ABCG1: variants seen among roughly 807,000 people sequenced by gnomAD.
ABCG1 encodes the protein ATP-binding cassette sub-family G member 1.
In ABCG1, 29 loss-of-function variants were observed where a neutral mutation model predicts 69.2. The observed-to-expected ratio is 0.42, with a 90% CI of 0.31 to 0.57. The LOEUF is 0.57. Ranked by LOEUF, ABCG1 falls within the 20% of genes least tolerant of loss-of-function variation. ABCG1 has a pLI of 0.15. For missense variants in ABCG1, 718 were observed against 898.1 expected, an observed-to-expected ratio of 0.80 and a Z score of 2.56; for synonymous variants, 370 against 374.8, an observed-to-expected ratio of 0.99 and a Z score of 0.15.
Position 42,219,148 on chromosome 21 carries a change from A to AG in ABCG1, c.-114dup. The AG allele has an allele frequency of 1.0e-6, 1 of 1,001,172 alleles. No homozygotes were observed. Among genetic ancestry groups the AG allele is most frequent in the Non-Finnish European group, 1.3e-6 (1 of 796,720 alleles). 62.0% of individuals were successfully genotyped at this position (1,001,172 alleles called of 1,614,324 possible). On this transcript the variant is annotated 5_prime_UTR_variant, in exon 1 of 15. Coordinates refer to ENST00000398449, the MANE Select transcript of ABCG1 (RefSeq NM_016818.3). The surrounding 1 kb of genome is among the most constrained non-coding windows in gnomAD (Gnocchi z 5.3). ...GGAGCCGGATCCCAGCCGGAGCCCA[A>AG]GCGCAGCCCGCACCCCGCGCAGCGG...
At chr21:42,257,699 G>A (rs1485446961) in intron 2 of ABCG1, among the ~76,000 whole-genome samples, 1 of 152,180 alleles carries the variant, frequency 6.6e-6, no homozygotes, top group Non-Finnish European at 1.5e-5. Context: ...GAAATGTGTG[G>A]CAAAGAAGAA....
rs1361711923 is a variant in ABCG1, at chr21:42,257,457, G to A, written c.287-13613G>A. On this transcript the variant is annotated intron_variant, in intron 2 of 14. Coordinates refer to ENST00000398449, the MANE Select transcript of ABCG1 (RefSeq NM_016818.3). ...CAAACAGTGTTAGCAGGACGTACTT[G>A]GAGCTCATTTGGCAGTGGGAGTGGA... Among the ~76,000 whole-genome samples, 12 of 152,368 alleles carry A rather than the reference G, an allele frequency of 7.9e-5. No individual in the cohort carries two copies. The South Asian group carries it at 2.3e-3, about 29-fold the overall frequency.
intron 2 of ABCG1, among the ~76,000 whole-genome samples, chr21:42,235,570 C>T (rs994824280): frequency 6.6e-6 from 1 of 152,078 alleles, no homozygotes; most frequent in Non-Finnish European, 1.5e-5. Flanking sequence ...ACATTGGTTC[C>T]GTCTAGAAAG....
chr21:42,256,157 A>G (rs2068300244), intron 2 of ABCG1: 2 of 1,397,910 alleles, frequency 1.4e-6, no homozygotes, highest in Non-Finnish European at 1.9e-6. Context: ...CCTGGGCGTG[A>G]TATACCTCCC....
intron 2 of ABCG1, among the ~76,000 whole-genome samples, chr21:42,233,115 G>A (rs1396973656): frequency 6.6e-6 from 1 of 152,204 alleles, no homozygotes; most frequent in African/African-American, 2.4e-5. Flanking sequence ...TTTCAGTCAT[G>A]AGTGGTGGCG....
chr21:42,233,749 G>T lies in ABCG1; in HGVS notation c.286+7835G>T, dbSNP rs564932942. ...TGCTTTGGGAGGTGGGCATCACTGC[G>T]GCATCCGCAGGGTGCAGGTCAGTGG... is the stretch of plus-strand genomic sequence containing the variant. On this transcript the variant is annotated intron_variant, in intron 2 of 14. Coordinates refer to ENST00000398449, the MANE Select transcript of ABCG1 (RefSeq NM_016818.3). Among the ~76,000 whole-genome samples, 319 of 152,378 alleles carry T rather than the reference G, an allele frequency of 2.1e-3. 1 individual carries two copies. Among genetic ancestry groups the T allele is most frequent in the Non-Finnish European group, 3.6e-3 (247 of 68,042 alleles).
At chr21:42,228,497 T>C (rs1371251741) in intron 2 of ABCG1, among the ~76,000 whole-genome samples, 1 of 152,154 alleles carries the variant, frequency 6.6e-6, no homozygotes, top group African/African-American at 2.4e-5. Flanking sequence ...AGAGTCTAGA[T>C]GGTTTATCAC....
At chr21:42,227,757 G>T (rs577487240) in intron 2 of ABCG1, among the ~76,000 whole-genome samples, 1 of 152,304 alleles carries the variant, frequency 6.6e-6, no homozygotes, top group African/African-American at 2.4e-5. Flanking sequence ...TGGCATGGTT[G>T]GGGAGGGCTC....
intron 4 of ABCG1, among the ~76,000 whole-genome samples, chr21:42,275,054 G>C (rs1383560831): frequency 6.6e-6 from 1 of 152,102 alleles, no homozygotes; most frequent in Non-Finnish European, 1.5e-5. Flanking sequence ...AGTAGATGGG[G>C]GTTCGCCTTG....
intron 2 of ABCG1, among the ~76,000 whole-genome samples, chr21:42,267,588 G>T (rs1282133624): frequency 4.0e-5 from 6 of 151,050 alleles, no homozygotes; most frequent in African/African-American, 1.5e-4. Flanking sequence ...GTTCTTTCTG[G>T]GTCTGATCTG....
chr21:42,278,277 A>G (rs2123757843), intron 5 of ABCG1, among the ~76,000 whole-genome samples: 1 of 152,276 alleles, frequency 6.6e-6, no homozygotes, highest in Middle Eastern at 3.4e-3. Context: ...TAAACAATGT[A>G]ACGTAGACAC....
intron 2 of ABCG1, among the ~76,000 whole-genome samples, chr21:42,234,159 C>T (rs912024745): frequency 6.6e-6 from 1 of 152,120 alleles, no homozygotes; most frequent in Admixed American, 6.6e-5. Flanking sequence ...GGCATCTTCT[C>T]CAGAAGGGAA....
intron 2 of ABCG1, among the ~76,000 whole-genome samples, chr21:42,204,419 C>T (rs1487870739): frequency 1.3e-5 from 2 of 152,136 alleles, no homozygotes; most frequent in African/African-American, 4.8e-5. Flanking sequence ...TTCTCTATTC[C>T]GATTTTTCTG....
chr21:42,232,143 C>T (rs1266432370), intron 2 of ABCG1, among the ~76,000 whole-genome samples: 1 of 152,208 alleles, frequency 6.6e-6, no homozygotes. Context: ...CTTACAGGGC[C>T]CCAAAGAGGC....
rs185255534 is a variant in ABCG1 at position 42,290,266 on chromosome 21, C to T, written c.1393+48C>T. 179 of 1,586,984 alleles carry T rather than the reference C, an allele frequency of 1.1e-4. No individual in the cohort carries two copies. In the African/African-American group the frequency reaches 2.1e-3, roughly 19 times the overall value. ...CTTCTTCCTTATTTTCAATTCCTAC[C>T]CAAGCATGGGGGCCTGAAGTCACGC... is the stretch of plus-strand genomic sequence containing the variant. On this transcript the variant is annotated intron_variant, in intron 11 of 14. Coordinates refer to ENST00000398449, the MANE Select transcript of ABCG1 (RefSeq NM_016818.3).
chr21:42,208,792 C>CT (rs1321039903), intron 2 of ABCG1, among the ~76,000 whole-genome samples: 1 of 152,180 alleles, frequency 6.6e-6, no homozygotes, highest in Non-Finnish European at 1.5e-5. Flanking sequence ...GTAGTCATGT[C>CT]TTTTTTTCTT....
chr21:42,289,884 C>A (rs555079229), intron 10 of ABCG1, among the ~76,000 whole-genome samples, 166 bp from the exon 11 acceptor site: 1 of 152,018 alleles, frequency 6.6e-6, no homozygotes, highest in Non-Finnish European at 1.5e-5. Flanking sequence ...GTATGTGAGT[C>A]GCTTTAGGGT....
At position 42,282,240 on chromosome 21, in the gene ABCG1, C is replaced by T. The variant is rs768786407; in HGVS notation, c.589-34C>T. On this transcript the variant is annotated intron_variant, in intron 5 of 14. Transcript: ENST00000398449. Reference sequence around the variant, plus strand: ...ATGGGAGGTGGTGAGCTTTGGCGGGCAGCTCCCAATGTCTCTCGTTCTGTT... The same window carrying T: ...ATGGGAGGTGGTGAGCTTTGGCGGGTAGCTCCCAATGTCTCTCGTTCTGTT... 4 of 1,597,562 alleles carry T rather than the reference C, an allele frequency of 2.5e-6. No homozygotes were observed. The Admixed American group carries it at 6.8e-5, about 27-fold the overall frequency.
In ABCG1 at chr21:42,291,471, C is replaced by A. The variant is rs200451828; in HGVS notation, c.1495-27C>A. On this transcript the variant is annotated intron_variant, in intron 12 of 14. Transcript: ENST00000398449. The surrounding 1 kb of genome is among the most constrained non-coding windows in gnomAD (Gnocchi z 6.4). ...CTGCTGTGGTGGGAAGCGGCTGAGC[C>A]CGCGGCTGACGGGTCCTTGTTTCCA... 1.3e-6 allele frequency: 2 copies of A among 1,593,004 alleles called. No homozygotes were observed. The highest frequency in any genetic ancestry group is 2.2e-5 in the South Asian group (2 of 89,008).
Sources: gnomAD v4.1 joint callset for allele counts (sites outside exome capture counted in the v4.1 genomes callset) on GRCh38, gnomAD v4.1.1 for gene constraint, Gnocchi (gnomAD v3.1) non-coding constraint, MANE v1.5 for transcripts, NCBI Gene and HGNC (gene_info 2026-07-23, HGNC 2026-07-21) for gene names.